The following DCTN3 variants were observed in gnomAD, a reference collection of about 807,000 sequenced individuals.
DCTN3 encodes the protein dynactin 3 (p22).
A neutral mutation model predicts 28.4 loss-of-function variants in DCTN3; 25 were observed. The observed-to-expected ratio is 0.88, with a 90% confidence interval of 0.64 to 1.23. The LOEUF (loss-of-function observed/expected upper bound fraction) is 1.23. DCTN3 is among the 50% of genes most tolerant of loss of function. The probability of loss-of-function intolerance (pLI) is 0.00; values close to 1 mark genes in which losing one functional copy is unlikely to be tolerated. For missense variants in DCTN3, 229 were observed against 232.0 expected, an observed-to-expected ratio of 0.99 and a Z score of 0.08; for synonymous variants, 81 against 91.4, an observed-to-expected ratio of 0.89 and a Z score of 0.65.
At position 34,615,962 on chromosome 9, in the gene DCTN3, A is replaced by C. The variant is rs1358360617; in HGVS notation, c.352+68T>G. On this transcript the variant is annotated intron_variant, in intron 4 of 6. Coordinates refer to ENST00000259632, the MANE Select transcript of DCTN3 (RefSeq NM_007234.5). ...GAATCCACACAACCTGAAACACAGG[A>C]AAGTCTTGCCCATCCATCCACCTAC... 9 of 1,316,830 alleles carry C rather than the reference A, an allele frequency of 6.8e-6. No individual in the cohort carries two copies. The African/African-American group carries it at 1.2e-4, about 17-fold the overall frequency. The allele number at this position is 1,316,830 out of a possible 1,614,324, so 81.6% of individuals were successfully genotyped here.
chr9:34,617,873 G>A lies in DCTN3; in HGVS notation c.268+12C>T. ...ATCCTCAGATGCATGTACACATGTA[G>A]TCCAGCATTACCTGCTAGGATGAAT... On this transcript the variant is annotated intron_variant, in intron 3 of 6. Transcript: ENST00000259632. 6.2e-7 allele frequency: 1 copy of A among 1,613,704 alleles called. No homozygotes were observed. Among genetic ancestry groups the A allele is most frequent in the Non-Finnish European group, 8.5e-7 (1 of 1,179,774 alleles).
rs768040299 is a variant in DCTN3, at chr9:34,616,873, C to A, written c.269-760G>T. 6.6e-6 allele frequency: 1 copy of A among 152,214 alleles called. No individual in the cohort carries two copies. Among genetic ancestry groups the A allele is most frequent in the African/African-American group, 2.4e-5 (1 of 41,436 alleles). The allele number at this position is 152,214 out of a possible 1,614,324, so 9.4% of individuals were successfully genotyped here. Reference sequence around the variant, plus strand: ...GACTTTATCCTAGCAAGGCAGGATACACTGAGGTTCCAAAGTAGGCAAAGT... The same window carrying A: ...GACTTTATCCTAGCAAGGCAGGATAAACTGAGGTTCCAAAGTAGGCAAAGT... On this transcript the variant is annotated intron_variant, in intron 3 of 6. Coordinates refer to ENST00000259632, the MANE Select transcript of DCTN3 (RefSeq NM_007234.5). The surrounding 1 kb of genome is among the most constrained non-coding windows in gnomAD (Gnocchi z 4.7).
rs1450521270 is a variant in DCTN3 at position 34,616,145 on chromosome 9, G to A, written c.269-32C>T. On this transcript the variant is annotated intron_variant, in intron 3 of 6. Coordinates refer to ENST00000259632, the MANE Select transcript of DCTN3 (RefSeq NM_007234.5). The surrounding 1 kb of genome is among the most constrained non-coding windows in gnomAD (Gnocchi z 4.7). ...CAAAAATGGACAAGATAGTTGCAGT[G>A]AAGCAAACCTGGGCATTGCTAATCA... 1.9e-6 allele frequency: 3 copies of A among 1,578,290 alleles called. No individual in the cohort carries two copies. The South Asian group carries it at 3.3e-5, about 18-fold the overall frequency.
chr9:34,618,072 A>G, intron 2 of DCTN3, 101 bp from the exon 3 acceptor site: 1 of 1,188,048 alleles, frequency 8.4e-7, no homozygotes, highest in Non-Finnish European at 1.2e-6. Flanking sequence ...AGAGCCTTCA[A>G]TGAGGAGCTG....
intron 1 of DCTN3, among the ~76,000 whole-genome samples, chr9:34,620,074 A>G (rs903261098): frequency 4.0e-5 from 6 of 151,382 alleles, no homozygotes; most frequent in African/African-American, 1.2e-4. Flanking sequence ...TCTTATTGAA[A>G]CTCTCATTAG....
chr9:34,614,341 A>G, intron 5 of DCTN3: 1 of 778,038 alleles, frequency 1.3e-6, no homozygotes, highest in East Asian at 2.7e-5. Flanking sequence ...CATTCCCCCT[A>G]GTGTATGTCT....
chr9:34,614,189 C>T (rs1193354566), intron 5 of DCTN3, 88 bp from the exon 6 acceptor site: 1 of 1,608,774 alleles, frequency 6.2e-7, no homozygotes, highest in African/African-American at 1.3e-5. Context: ...ACTCCCACTC[C>T]CCATGGAGCC....
At chr9:34,619,635 T>C (rs1820506237) in intron 1 of DCTN3, among the ~76,000 whole-genome samples, 1 of 152,128 alleles carries the variant, frequency 6.6e-6, no homozygotes, top group Non-Finnish European at 1.5e-5. Context: ...AGGAAGAGAA[T>C]GTTTGAGAAG....
In DCTN3 at chr9:34,613,605, G is replaced by C. The variant is rs1234090476; in HGVS notation, c.*177C>G. On this transcript the variant is annotated 3_prime_UTR_variant, in exon 7 of 7. Transcript: ENST00000259632. Reference sequence around the variant, plus strand: ...AAGAACACTGATTGGGGGGAGGGTGGGTGTTGCAAATTGCAAACCTCAGGT... The same window carrying C: ...AAGAACACTGATTGGGGGGAGGGTGCGTGTTGCAAATTGCAAACCTCAGGT... 4 of 594,378 alleles carry C rather than the reference G, an allele frequency of 6.7e-6. No individual in the cohort carries two copies. The highest frequency in any genetic ancestry group is 3.8e-5 in the East Asian group (1 of 26,590). The allele number at this position is 594,378 out of a possible 1,614,324, so 36.8% of individuals were successfully genotyped here. A position where few individuals can be genotyped will look rare whatever the true frequency, so the allele number is the denominator to read the frequency against.
In DCTN3 at chr9:34,613,795, G is replaced by A; in HGVS notation, c.548C>T (p.Pro183Leu). 1 of 1,613,988 alleles carries A rather than the reference G, an allele frequency of 6.2e-7. No individual in the cohort carries two copies. The highest frequency in any genetic ancestry group is 8.5e-7 in the Non-Finnish European group (1 of 1,179,934). Residue 183 changes from proline to leucine, a missense_variant, in exon 7 of 7, where the codon CCA becomes CTA. Transcript: ENST00000259632. The stretch of plus-strand genomic sequence containing the variant: ...GGGGAGCAGCTATCACTCCTCTGCT[G>A]GCTTCACTTGCGTGGCGGCCTCTAG... ...CQLEAATQVK[P>L]AEE is the part of the protein sequence containing the mutation.
chr9:34,615,824 C>T (rs1200310799), intron 4 of DCTN3: 1 of 413,120 alleles, frequency 2.4e-6, no homozygotes, highest in African/African-American at 2.1e-5. Context: ...TTTGTTTGAA[C>T]CAGGAGGCAG....
At position 34,613,584 on chromosome 9, in the gene DCTN3, A is replaced by C; in HGVS notation, c.*198T>G. On this transcript the variant is annotated 3_prime_UTR_variant, in exon 7 of 7. Transcript: ENST00000259632. Reference sequence around the variant, plus strand: ...ATGGTTTATTGTCACTGAAATAAGAACACTGATTGGGGGGAGGGTGGGTGT... The same window carrying C: ...ATGGTTTATTGTCACTGAAATAAGACCACTGATTGGGGGGAGGGTGGGTGT... 2.0e-6 allele frequency: 1 copy of C among 500,344 alleles called. No individual in the cohort carries two copies. Among genetic ancestry groups the C allele is most frequent in the South Asian group, 2.0e-5 (1 of 50,204 alleles). The allele number at this position is 500,344 out of a possible 1,614,324, so 31.0% of individuals were successfully genotyped here.
intron 1 of DCTN3, 92 bp from the exon 2 acceptor site, chr9:34,618,852 C>A (rs572197625): frequency 6.0e-6 from 6 of 1,001,968 alleles, no homozygotes; most frequent in Non-Finnish European, 9.5e-6. Context: ...GACTCTCAAA[C>A]CTGAATCCCA....
intron 5 of DCTN3, 49 bp downstream of exon 5, chr9:34,614,658 TGAG>T (rs1564086635): frequency 6.3e-7 from 1 of 1,593,056 alleles, no homozygotes; most frequent in Non-Finnish European, 8.6e-7. Context: ...TGAGTTGGGA[TGAG>T]GTGCTGCGCC....
rs777752216 is a variant in DCTN3 at position 34,618,633 on chromosome 9, G to C, written c.181+43C>G. ...TAGGGCCAGGTACCAGGAAGCTGAG[G>C]GGTGGGATGTCGGGCAGGCAGGCAC... On this transcript the variant is annotated intron_variant, in intron 2 of 6. Transcript: ENST00000259632. 27 of 1,492,818 alleles carry C rather than the reference G, an allele frequency of 1.8e-5. No homozygotes were observed. The South Asian group carries it at 2.8e-4, about 16-fold the overall frequency. 92.5% of individuals were successfully genotyped at this position (1,492,818 alleles called of 1,614,324 possible).
Position 34,620,427 on chromosome 9 carries a change from C to A in DCTN3, c.38G>T (p.Arg13Leu), listed in dbSNP as rs1342143559. 3 of 1,560,870 alleles carry A rather than the reference C, an allele frequency of 1.9e-6. No homozygotes were observed. The highest frequency in any genetic ancestry group is 2.6e-6 in the Non-Finnish European group (3 of 1,153,338). ...CACCCAGCGCTCCAGCTCTTCCACT[C>A]GGGCCTGTAGCCGCTGCAAGTCAGT... ...GLTDLQRLQA[R>L]VEELERWVYG... is the part of the protein sequence containing the mutation. The change falls in exon 1 of 7, where the codon CGA becomes CTA. Residue 13 changes from arginine to leucine, a missense_variant. Coordinates refer to ENST00000259632, the MANE Select transcript of DCTN3 (RefSeq NM_007234.5).
Position 34,620,359 on chromosome 9 carries a change from G to A in DCTN3, c.96+10C>T. On this transcript the variant is annotated intron_variant, in intron 1 of 6. Transcript: ENST00000259632. ...GCTCCAGAAAGGGACTACCGGACCAGACTACTCACCTTCCGTGAGCCGCGC... is the reference window on the plus strand; with the variant it reads ...GCTCCAGAAAGGGACTACCGGACCAAACTACTCACCTTCCGTGAGCCGCGC... 6.2e-7 allele frequency: 1 copy of A among 1,612,406 alleles called. No homozygotes were observed. Among genetic ancestry groups the A allele is most frequent in the Non-Finnish European group, 8.5e-7 (1 of 1,179,360 alleles).
chr9:34,614,117 G>A lies in DCTN3; in HGVS notation c.412-16C>T. On this transcript the variant is annotated splice_polypyrimidine_tract_variant and intron_variant, in intron 5 of 6. Transcript: ENST00000259632. Reference sequence around the variant, plus strand: ...CACACTGGTCCTGTAGGGCCAAAGTGTAGCACAGAAAGGAACTGGGCAAAG... The same window carrying A: ...CACACTGGTCCTGTAGGGCCAAAGTATAGCACAGAAAGGAACTGGGCAAAG... The A allele has an allele frequency of 1.2e-6, 2 of 1,614,132 alleles. No individual in the cohort carries two copies. Among genetic ancestry groups the A allele is most frequent in the Non-Finnish European group, 1.7e-6 (2 of 1,179,970 alleles).
Position 34,616,493 on chromosome 9 carries a change from A to G in DCTN3, c.269-380T>C, listed in dbSNP as rs1820426847. The G allele has an allele frequency of 1.6e-5, 3 of 185,316 alleles. No individual in the cohort carries two copies. In the South Asian group the frequency reaches 3.1e-4, roughly 19 times the overall value. 11.5% of individuals were successfully genotyped at this position (185,316 alleles called of 1,614,324 possible). The stretch of plus-strand genomic sequence containing the variant: ...GGGTCCCCAGGAAGGTCTAAAAGAG[A>G]TATGTGGCAGACTACGCCAGGCAGG... On this transcript the variant is annotated intron_variant, in intron 3 of 6. Transcript: ENST00000259632. This position sits in a 1 kb window ranked among gnomAD's most constrained non-coding sequence, Gnocchi z 4.7.
Sources: allele counts gnomAD v4.1 joint callset (sites outside exome capture counted in the v4.1 genomes callset), GRCh38; gene constraint gnomAD v4.1.1; non-coding constraint Gnocchi (gnomAD v3.1); transcripts MANE v1.5; gene names NCBI Gene and HGNC (gene_info 2026-07-23, HGNC 2026-07-21).